SUGCT: variants seen among roughly 807,000 people sequenced by gnomAD.
SUGCT encodes succinyl-CoA:glutarate CoA-transferase.
In SUGCT, 41 loss-of-function variants were observed where a neutral mutation model predicts 55.0. That is an observed-to-expected ratio of 0.74 (90% CI 0.58 to 0.97). The LOEUF is 0.97. SUGCT is among the 50% of genes least tolerant of loss of function. SUGCT has a pLI of 0.00. For missense variants in SUGCT, 568 were observed against 547.8 expected, an observed-to-expected ratio of 1.04 and a Z score of -0.37; for synonymous variants, 187 against 200.4, an observed-to-expected ratio of 0.93 and a Z score of 0.56.
At chr7:40,987,804 C>T in the SUGCT span, among the ~76,000 whole-genome samples, 1 of 152,232 alleles carries the variant, frequency 6.6e-6, no homozygotes, top group African/African-American at 2.4e-5. Flanking sequence ...CTTCTTAGAG[C>T]AGGAACCATT....
intron 7 of SUGCT, among the ~76,000 whole-genome samples, chr7:40,251,621 C>G (rs1021914284): frequency 2.0e-5 from 3 of 152,228 alleles, no homozygotes; most frequent in African/African-American, 4.8e-5. Context: ...GTGGCAAATC[C>G]TGGCAGCACC....
intron 9 of SUGCT, among the ~76,000 whole-genome samples, chr7:40,370,960 A>G (rs1444880465): frequency 1.3e-5 from 2 of 152,126 alleles, no homozygotes; most frequent in Non-Finnish European, 2.9e-5. Flanking sequence ...TGTACAGGAT[A>G]TATAGTTGGA....
chr7:40,783,225 A>C (rs539446654), intron 13 of SUGCT, among the ~76,000 whole-genome samples: 2 of 152,152 alleles, frequency 1.3e-5, no homozygotes, highest in Non-Finnish European at 2.9e-5. Flanking sequence ...GCCAGAGGAC[A>C]TCGGACTACT....
chr7:40,477,383 C>A (rs921935100), intron 11 of SUGCT, among the ~76,000 whole-genome samples: 10 of 152,182 alleles, frequency 6.6e-5, no homozygotes, highest in African/African-American at 2.4e-4. Context: ...AAAGTGACTT[C>A]TTTCTGAATG....
intron 2 of SUGCT, among the ~76,000 whole-genome samples, chr7:40,181,279 A>G (rs1479554102): frequency 6.6e-6 from 1 of 152,184 alleles, no homozygotes; most frequent in Non-Finnish European, 1.5e-5. Context: ...TTATATTTTT[A>G]ATATTTTCCT....
chr7:40,349,656 T>C (rs1797509357), intron 9 of SUGCT, among the ~76,000 whole-genome samples: 1 of 150,366 alleles, frequency 6.7e-6, no homozygotes, highest in African/African-American at 2.5e-5. Flanking sequence ...CATCACTCAT[T>C]CCTCTAAGAA....
Position 40,749,461 on chromosome 7 carries a change from A to G in SUGCT, c.1117A>G (p.Met373Val), listed in dbSNP as rs779670662. ...ATTACACAATGGCCTCGTTATGGAG[A>G]TGGAGCATCCAACTGTGGGGAAGAT... ...QVLHNGLVMEMEHPTVGKISV... is the reference protein window; with the variant it reads ...QVLHNGLVMEVEHPTVGKISV... The change falls in exon 13 of 14, where the codon ATG becomes GTG. Residue 373 changes from methionine (M) to valine (V), a missense_variant. Coordinates refer to ENST00000335693, the MANE Select transcript of SUGCT (RefSeq NM_001193313.2). 1.2e-6 allele frequency: 2 copies of G among 1,613,698 alleles called. No individual in the cohort carries two copies. Among genetic ancestry groups the G allele is most frequent in the Admixed American group, 1.7e-5 (1 of 60,010 alleles).
intron 6 of SUGCT, among the ~76,000 whole-genome samples, chr7:40,203,928 A>T (rs749358796): frequency 7.9e-5 from 12 of 152,180 alleles, no homozygotes; most frequent in Non-Finnish European, 1.0e-4. Context: ...GCTATAAAAA[A>T]TCAATTGAAA....
rs550600026 is a variant in SUGCT, at chr7:40,565,604, G to A, written c.1089+69218G>A. Among the ~76,000 whole-genome samples the A allele has an allele frequency of 8.5e-5, 13 of 152,224 alleles. No individual in the cohort carries two copies. The South Asian group carries it at 2.1e-3, about 24-fold the overall frequency. On this transcript the variant is annotated intron_variant, in intron 12 of 13. Coordinates refer to ENST00000335693, the MANE Select transcript of SUGCT (RefSeq NM_001193313.2). ...CTAGTCATTGAACACGATGATCATC[G>A]TGACCCTGTTCTGCTCAAATCCTCC...
chr7:40,820,529 A>T (rs1419490772), intron 13 of SUGCT, among the ~76,000 whole-genome samples: 5 of 151,198 alleles, frequency 3.3e-5, no homozygotes, highest in Admixed American at 6.6e-5. Context: ...TTGAAGCAAT[A>T]GTGAATGGGA....
At chr7:40,686,934 G>A (rs1403955500) in intron 12 of SUGCT, among the ~76,000 whole-genome samples, 5 of 152,042 alleles carry the variant, frequency 3.3e-5, no homozygotes, top group Non-Finnish European at 5.9e-5. Flanking sequence ...CGATGCTCAT[G>A]TTTTCAGTGT....
intron 12 of SUGCT, among the ~76,000 whole-genome samples, chr7:40,748,253 G>A (rs1787833687): frequency 6.6e-6 from 1 of 151,910 alleles, no homozygotes; most frequent in African/African-American, 2.4e-5. Context: ...TTAAAGATTG[G>A]GTTTAGAATA....
intron 1 of SUGCT, among the ~76,000 whole-genome samples, chr7:40,157,028 A>C (rs961212686): frequency 9.9e-5 from 15 of 151,082 alleles, no homozygotes; most frequent in Non-Finnish European, 1.5e-4. Context: ...AAAAAAAAAA[A>C]GGTAAATATT....
intron 13 of SUGCT, among the ~76,000 whole-genome samples, chr7:40,756,867 C>T (rs1018536618): frequency 2.0e-5 from 3 of 152,062 alleles, no homozygotes; most frequent in Non-Finnish European, 4.4e-5. Flanking sequence ...AGAGCATACT[C>T]CTTAAGGGAC....
intron 9 of SUGCT, among the ~76,000 whole-genome samples, chr7:40,392,949 A>C (rs139792069): frequency 6.6e-6 from 1 of 152,180 alleles, no homozygotes; most frequent in Non-Finnish European, 1.5e-5. Context: ...CAATTAAGAC[A>C]GTGAAATGCA....
chr7:40,813,710 C>T (rs1791534403), intron 13 of SUGCT, among the ~76,000 whole-genome samples: 1 of 152,048 alleles, frequency 6.6e-6, no homozygotes, highest in African/African-American at 2.4e-5. Flanking sequence ...GCATTTAGAC[C>T]ATTTACATTC....
At chr7:40,203,822 A>T (rs993433854) in intron 6 of SUGCT, among the ~76,000 whole-genome samples, 2 of 152,092 alleles carry the variant, frequency 1.3e-5, no homozygotes, top group Non-Finnish European at 2.9e-5. Flanking sequence ...TAATAAGATA[A>T]ACATATTTTG....
intron 9 of SUGCT, among the ~76,000 whole-genome samples, chr7:40,333,376 C>G (rs1375191648): frequency 6.6e-6 from 1 of 151,598 alleles, no homozygotes; most frequent in African/African-American, 2.4e-5. Context: ...GTGGCTCACA[C>G]CTATAATCCC....
chr7:40,529,057 C>G (rs1321356000), intron 12 of SUGCT, among the ~76,000 whole-genome samples: 1 of 152,050 alleles, frequency 6.6e-6, no homozygotes, highest in Non-Finnish European at 1.5e-5. Context: ...TGGGAAATTC[C>G]CACAACATAG....
Sources: gnomAD v4.1 joint callset for allele counts (sites outside exome capture counted in the v4.1 genomes callset) on GRCh38, gnomAD v4.1.1 for gene constraint, MANE v1.5 for transcripts, NCBI Gene and HGNC (gene_info 2026-07-23, HGNC 2026-07-21) for gene names.